TBL3: variants seen among roughly 807,000 people sequenced by gnomAD.
TBL3 encodes the protein transducin beta-like protein 3.
A neutral mutation model predicts 102.7 loss-of-function variants in TBL3; 71 were observed. The ratio of observed to expected loss-of-function variants is 0.69; its 90% CI spans 0.57 to 0.84. The LOEUF is 0.84. TBL3 is among the 40% of genes least tolerant of loss of function. The probability of loss-of-function intolerance (pLI) is 0.00; values close to 1 mark genes in which losing one functional copy is unlikely to be tolerated. For missense variants in TBL3, 1,188 were observed against 1,098.5 expected (o/e 1.08, Z -1.15); for synonymous variants, 578 against 477.7 (o/e 1.21, Z -2.74).
In TBL3 at chr16:1,981,144, C is replaced by G. The variant is rs1016565488; in HGVS notation, c.*2459C>G. 3 of 1,613,548 alleles carry G rather than the reference C, an allele frequency of 1.9e-6. No homozygotes were observed. Among genetic ancestry groups the G allele is most frequent in the Non-Finnish European group, 2.5e-6 (3 of 1,180,014 alleles). ...GCCTCTTGATCTGCACCAGGGCTGC[C>G]CCTTGCACTGAAACTGGGTATCGGG... is the stretch of plus-strand genomic sequence containing the variant. On this transcript the variant is annotated 3_prime_UTR_variant, in exon 22 of 22. Coordinates refer to ENST00000568546, the MANE Select transcript of TBL3 (RefSeq NM_006453.3).
At position 1,975,905 on chromosome 16, in the gene TBL3, T is replaced by C. The variant is rs1268408379; in HGVS notation, c.1085T>C (p.Phe362Ser). Residue 362 changes from phenylalanine to serine, a missense_variant, in exon 11 of 22, where the codon TTT becomes TCT. Phe to Ser is a radical substitution (Grantham distance 155). Transcript: ENST00000568546. ...TCCAATAGCCCCTGCCTAAAAGTGT[T>C]TGAGCTGCAGACGTCAGCCTGCCAG... is the stretch of plus-strand genomic sequence containing the variant. Reference protein sequence around the residue: ...VASNSPCLKVFELQTSACQIL... With the variant: ...VASNSPCLKVSELQTSACQIL... 6.2e-7 allele frequency: 1 copy of C among 1,614,110 alleles called. No homozygotes were observed. The highest frequency in any genetic ancestry group is 1.7e-5 in the Admixed American group (1 of 60,028).
Position 1,978,621 on chromosome 16 carries a change from T to A in TBL3, c.2363T>A (p.Met788Lys). 1 of 1,612,714 alleles carries A rather than the reference T, an allele frequency of 6.2e-7. No individual in the cohort carries two copies. The highest frequency in any genetic ancestry group is 8.5e-7 in the Non-Finnish European group (1 of 1,179,868). Residue 788 changes from methionine to lysine, a missense_variant, in exon 22 of 22, where the codon ATG (methionine) becomes AAG (lysine). Transcript: ENST00000568546. ...TTCTTGGACTTCCTGTGGCACAACATGAAGCTCCCTGTGCCGGCCGCCGCC... is the reference window on the plus strand; with the variant it reads ...TTCTTGGACTTCCTGTGGCACAACAAGAAGCTCCCTGTGCCGGCCGCCGCC... ...AAFLDFLWHN[M>K]KLPVPAAAPT...
At chr16:1,974,471 C>T in intron 4 of TBL3, 48 bp downstream of exon 4, 1 of 1,589,252 alleles carries the variant, frequency 6.3e-7, no homozygotes, top group South Asian at 1.1e-5. Context: ...GCCTCCCTCC[C>T]AGACTGAGTC....
In TBL3 at chr16:1,975,586, C is replaced by T. The variant is rs140355892; in HGVS notation, c.863C>T (p.Pro288Leu). ...CAGTGTGTGTACACGCAGGCCCAGC[C>T]GCCGGGCCCTGGGCAGGAGCTGACC... Reference protein sequence around the residue: ...SGQCVYTQAQPPGPGQELTHC... With the variant: ...SGQCVYTQAQLPGPGQELTHC... Residue 288 changes from proline (P) to leucine (L), a missense_variant, in exon 10 of 22, where the codon CCG becomes CTG. Physicochemically the swap from Pro to Leu is moderately conservative, Grantham distance 98 (BLOSUM62 -3). Coordinates refer to ENST00000568546, the MANE Select transcript of TBL3 (RefSeq NM_006453.3). 0.023 allele frequency: 37,522 copies of T among 1,599,900 alleles called. 519 individuals carry two copies. Among genetic ancestry groups the T allele is most frequent in the Non-Finnish European group, 0.028 (32,665 of 1,179,140 alleles).
chr16:1,978,136 C>T lies in TBL3; in HGVS notation c.2063-13C>T. 1 of 1,612,458 alleles carries T rather than the reference C, an allele frequency of 6.2e-7. No homozygotes were observed. The highest frequency in any genetic ancestry group is 8.5e-7 in the Non-Finnish European group (1 of 1,179,670). On this transcript the variant is annotated splice_polypyrimidine_tract_variant and intron_variant, in intron 19 of 21. Coordinates refer to ENST00000568546, the MANE Select transcript of TBL3 (RefSeq NM_006453.3). ...CTCTGCTTTCCCCAGCTCAGCCTTC[C>T]CTTCTCCCACAGCCATCCGGAGGGA...
At position 1,978,757 on chromosome 16, in the gene TBL3, T is replaced by G; in HGVS notation, c.*72T>G. ...TAAAGGCCGCTCTCCTGGCCGGCTCTGTCTCTCTGGACTGCAGTCCAGCCC... is the reference window on the plus strand; with the variant it reads ...TAAAGGCCGCTCTCCTGGCCGGCTCGGTCTCTCTGGACTGCAGTCCAGCCC... On this transcript the variant is annotated 3_prime_UTR_variant, in exon 22 of 22. Transcript: ENST00000568546. 2 of 1,552,370 alleles carry G rather than the reference T, an allele frequency of 1.3e-6. No individual in the cohort carries two copies. Among genetic ancestry groups the G allele is most frequent in the Non-Finnish European group, 1.7e-6 (2 of 1,142,994 alleles).
intron 10 of TBL3, 39 bp from the exon 11 acceptor site, chr16:1,975,769 G>C (rs377424189): frequency 1.2e-6 from 2 of 1,613,972 alleles, no homozygotes; most frequent in Non-Finnish European, 1.7e-6. Flanking sequence ...CTCTTACACA[G>C]GTCCTGGCTC....
chr16:1,981,493 G>A lies in TBL3; in HGVS notation c.*2808G>A, dbSNP rs111868135. The A allele has an allele frequency of 2.2e-6, 1 of 458,494 alleles. No individual in the cohort carries two copies. Among genetic ancestry groups the A allele is most frequent in the Non-Finnish European group, 3.8e-6 (1 of 265,532 alleles). 28.4% of individuals were successfully genotyped at this position (458,494 alleles called of 1,614,324 possible). On this transcript the variant is annotated 3_prime_UTR_variant, in exon 22 of 22. Transcript: ENST00000568546. Reference sequence around the variant, plus strand: ...CTGAAGAAGGGGCGAAGGGTAGGCGGGACTGCTGCCTGGGGCCCTCCTGCC... The same window carrying A: ...CTGAAGAAGGGGCGAAGGGTAGGCGAGACTGCTGCCTGGGGCCCTCCTGCC...
chr16:1,974,019 G>T (rs369482631), intron 1 of TBL3, 37 bp from the exon 2 acceptor site: 1 of 1,518,270 alleles, frequency 6.6e-7, no homozygotes, highest in Admixed American at 2.0e-5. Flanking sequence ...GACTGAGGGG[G>T]TGGGTGGTGC....
chr16:1,981,375 TG>T lies in TBL3; in HGVS notation c.*2695del. 2.2e-6 allele frequency: 3 copies of T among 1,365,342 alleles called. No homozygotes were observed. Among genetic ancestry groups the T allele is most frequent in the Non-Finnish European group, 2.9e-6 (3 of 1,037,800 alleles). 84.6% of individuals were successfully genotyped at this position (1,365,342 alleles called of 1,614,324 possible). The stretch of plus-strand genomic sequence containing the variant: ...CTTGCTGTCCCCCAAGCCCACGATC[TG>T]GGGGCAGGAGCACAGGGATTGGGGG... On this transcript the variant is annotated 3_prime_UTR_variant, in exon 22 of 22. Coordinates refer to ENST00000568546, the MANE Select transcript of TBL3 (RefSeq NM_006453.3).
rs779503869 is a variant in TBL3, at chr16:1,977,131, G to T, written c.1518G>T (p.Trp506Cys). 6.2e-7 allele frequency: 1 copy of T among 1,613,020 alleles called. No individual in the cohort carries two copies. The highest frequency in any genetic ancestry group is 8.5e-7 in the Non-Finnish European group (1 of 1,179,998). The change falls in exon 15 of 22, where the codon TGG becomes TGT. Residue 506 changes from tryptophan to cysteine, a missense_variant. By Grantham distance (215) the Trp-to-Cys change is radical. Transcript: ENST00000568546. ...CACAGGACCGCACGGCCAAGCTCTG[G>T]GCCCTGCCACAGTGCCAGCTGCTGG... ...TGSQDRTAKL[W>C]ALPQCQLLGV...
In TBL3 at chr16:1,979,048, G is replaced by A. The variant is rs766877932; in HGVS notation, c.*363G>A. ...GGTCCATCCCCTCATCGGGATCCTC[G>A]CGCTCACTGCTCCGTCGTGGGGTGC... On this transcript the variant is annotated 3_prime_UTR_variant, in exon 22 of 22. Transcript: ENST00000568546. The A allele has an allele frequency of 1.9e-6, 3 of 1,544,030 alleles. No individual in the cohort carries two copies. Among genetic ancestry groups the A allele is most frequent in the South Asian group, 2.4e-5 (2 of 84,474 alleles).
In TBL3 at chr16:1,981,380, G is replaced by T. The variant is rs2083507157; in HGVS notation, c.*2695G>T. 4 of 1,342,648 alleles carry T rather than the reference G, an allele frequency of 3.0e-6. No individual in the cohort carries two copies. The highest frequency in any genetic ancestry group is 2.9e-6 in the Non-Finnish European group (3 of 1,017,200). 83.2% of individuals were successfully genotyped at this position (1,342,648 alleles called of 1,614,324 possible). A position where few individuals can be genotyped will look rare whatever the true frequency, so the allele number is the denominator to read the frequency against. On this transcript the variant is annotated 3_prime_UTR_variant, in exon 22 of 22. Transcript: ENST00000568546. Reference sequence around the variant, plus strand: ...TGTCCCCCAAGCCCACGATCTGGGGGCAGGAGCACAGGGATTGGGGGACTT... The same window carrying T: ...TGTCCCCCAAGCCCACGATCTGGGGTCAGGAGCACAGGGATTGGGGGACTT...
rs780234420 is a variant in TBL3 at position 1,980,641 on chromosome 16, C to G, written c.*1956C>G. ...GCCACCGCCTTCCCCGCTCCCGTAC[C>G]CAGGCTGGCCTGACCGAGAAGCTTT... On this transcript the variant is annotated 3_prime_UTR_variant, in exon 22 of 22. Transcript: ENST00000568546. 1 of 1,601,794 alleles carries G rather than the reference C, an allele frequency of 6.2e-7. No homozygotes were observed. Among genetic ancestry groups the G allele is most frequent in the Non-Finnish European group, 8.5e-7 (1 of 1,173,912 alleles).
Position 1,980,037 on chromosome 16 carries a change from C to A in TBL3, c.*1352C>A. The A allele has an allele frequency of 6.2e-7, 1 of 1,606,902 alleles. No individual in the cohort carries two copies. Among genetic ancestry groups the A allele is most frequent in the Admixed American group, 1.7e-5 (1 of 59,076 alleles). Reference sequence around the variant, plus strand: ...GCAGCACGTCCAGGCTCTCCTGGGCCTGCGCCTGAAAAGGCCTATCCCGCG... The same window carrying A: ...GCAGCACGTCCAGGCTCTCCTGGGCATGCGCCTGAAAAGGCCTATCCCGCG... On this transcript the variant is annotated 3_prime_UTR_variant, in exon 22 of 22. Coordinates refer to ENST00000568546, the MANE Select transcript of TBL3 (RefSeq NM_006453.3).
Position 1,980,479 on chromosome 16 carries a change from T to G in TBL3, c.*1794T>G. The G allele has an allele frequency of 6.2e-7, 1 of 1,601,528 alleles. No individual in the cohort carries two copies. Among genetic ancestry groups the G allele is most frequent in the Non-Finnish European group, 8.5e-7 (1 of 1,179,496 alleles). On this transcript the variant is annotated 3_prime_UTR_variant, in exon 22 of 22. Transcript: ENST00000568546. ...GTCGCCAGCAGCCTCCGAGAATAGG[T>G]TTCCAACAGCTGCAGGCGCGCCAGG...
chr16:1,974,901 C>G (rs1169269239), intron 6 of TBL3, 27 bp from the exon 7 acceptor site: 1 of 1,612,484 alleles, frequency 6.2e-7, no homozygotes, highest in East Asian at 2.2e-5. Context: ...CTGCACAGCT[C>G]ACCCATCCTG....
At chr16:1,973,245 C>A (rs550070584) in intron 1 of TBL3, among the ~76,000 whole-genome samples, 17 of 151,968 alleles carry the variant, frequency 1.1e-4, no homozygotes, top group Non-Finnish European at 1.8e-4. Context: ...ATTGAGACCA[C>A]GGTGAAACCC....
At position 1,979,528 on chromosome 16, in the gene TBL3, C is replaced by T; in HGVS notation, c.*843C>T. ...CGGCTGCTCTCGTAGGCGCGGGAAG[C>T]ACAGAACTGGGGACCTGGTGGGAGT... is the stretch of plus-strand genomic sequence containing the variant. On this transcript the variant is annotated 3_prime_UTR_variant, in exon 22 of 22. Transcript: ENST00000568546. 6.2e-7 allele frequency: 1 copy of T among 1,610,700 alleles called. No homozygotes were observed. Among genetic ancestry groups the T allele is most frequent in the Non-Finnish European group, 8.5e-7 (1 of 1,178,622 alleles).
Sources: allele counts gnomAD v4.1 joint callset (sites outside exome capture counted in the v4.1 genomes callset), GRCh38; gene constraint gnomAD v4.1.1; transcripts MANE v1.5; gene names NCBI Gene and HGNC (gene_info 2026-07-23, HGNC 2026-07-21).